HACE1: variants seen among roughly 807,000 people sequenced by gnomAD.
HACE1 encodes E3 ubiquitin-protein ligase HACE1.
A neutral mutation model predicts 118.4 loss-of-function variants in HACE1; 73 were observed. That is an observed-to-expected ratio of 0.62 (90% CI 0.51 to 0.75). HACE1 has a LOEUF of 0.75. Ranked by LOEUF, HACE1 falls within the 30% of genes least tolerant of loss-of-function variation. The probability of loss-of-function intolerance (pLI) is 0.00; values close to 1 mark genes in which losing one functional copy is unlikely to be tolerated. For synonymous variants in HACE1, 368 were observed against 374.8 expected (o/e 0.98, Z 0.21); for missense variants, 749 against 1,102.2 (o/e 0.68, Z 4.54).
At chr6:104,839,044 A>C (rs1303443828) in intron 5 of HACE1, among the ~76,000 whole-genome samples, 2 of 152,150 alleles carry the variant, frequency 1.3e-5, no homozygotes, top group Admixed American at 6.6e-5. Context: ...CCAAAACTAC[A>C]ATGAGGTATC....
In HACE1 at chr6:104,744,120, C is replaced by T. The variant is rs752092152; in HGVS notation, c.2513+40G>A. 14 of 1,146,706 alleles carry T rather than the reference C, an allele frequency of 1.2e-5. No individual in the cohort carries two copies. In the African/African-American group the frequency reaches 2.1e-4, roughly 17 times the overall value. The allele number at this position is 1,146,706 out of a possible 1,614,324, so 71.0% of individuals were successfully genotyped here. Reference sequence around the variant, plus strand: ...TCTCTAAGCCATTAAAAGCAGAATACATTAAATTATTTCCATATTATCATA... The same window carrying T: ...TCTCTAAGCCATTAAAAGCAGAATATATTAAATTATTTCCATATTATCATA... On this transcript the variant is annotated intron_variant, in intron 22 of 23. Coordinates refer to ENST00000262903, the MANE Select transcript of HACE1 (RefSeq NM_020771.4).
At chr6:104,822,946 G>A (rs555554875) in intron 6 of HACE1, among the ~76,000 whole-genome samples, 1 of 152,058 alleles carries the variant, frequency 6.6e-6, no homozygotes, top group South Asian at 2.1e-4. Flanking sequence ...TTATTCATTA[G>A]ACTAACATAC....
chr6:104,783,689 T>C (rs567777198), intron 14 of HACE1, among the ~76,000 whole-genome samples: 1 of 152,314 alleles, frequency 6.6e-6, no homozygotes, highest in African/African-American at 2.4e-5. Flanking sequence ...CAAAGCTAAA[T>C]CACTATTTTT....
At chr6:104,784,285 A>C (rs1782100145) in intron 13 of HACE1, 112 bp from the exon 14 acceptor site, 2 of 870,312 alleles carry the variant, frequency 2.3e-6, no homozygotes. Flanking sequence ...AATAATCCAT[A>C]TCTATTAAAG....
chr6:104,836,116 T>C (rs1182875503), intron 5 of HACE1, among the ~76,000 whole-genome samples: 1 of 152,094 alleles, frequency 6.6e-6, no homozygotes, highest in Non-Finnish European at 1.5e-5. Context: ...ATGAGACCCA[T>C]ATAACAAGAG....
intron 6 of HACE1, among the ~76,000 whole-genome samples, chr6:104,828,068 G>C (rs1176483090): frequency 1.3e-5 from 2 of 151,978 alleles, no homozygotes; most frequent in East Asian, 3.8e-4. Flanking sequence ...ACGTTATTCT[G>C]AGAAGACTGT....
intron 11 of HACE1, among the ~76,000 whole-genome samples, chr6:104,787,789 AG>A (rs1782602881): frequency 6.6e-6 from 1 of 152,194 alleles, no homozygotes; most frequent in Non-Finnish European, 1.5e-5. Context: ...ATAACACCAA[AG>A]AAAAAAATGG....
At chr6:104,813,837 C>T (rs1327249740) in intron 6 of HACE1, among the ~76,000 whole-genome samples, 1 of 137,082 alleles carries the variant, frequency 7.3e-6, no homozygotes, top group African/African-American at 2.9e-5. Flanking sequence ...CTCAGAATAA[C>T]AAAGACAGTA....
intron 5 of HACE1, among the ~76,000 whole-genome samples, chr6:104,835,343 T>C (rs1400206262): frequency 6.6e-6 from 1 of 152,072 alleles, no homozygotes; most frequent in Non-Finnish European, 1.5e-5. Flanking sequence ...AAAGGAACCA[T>C]GAATATTCAA....
At chr6:104,758,694 TAAC>T (rs1778993316) in intron 19 of HACE1, among the ~76,000 whole-genome samples, 1 of 152,020 alleles carries the variant, frequency 6.6e-6, no homozygotes, top group Non-Finnish European at 1.5e-5. Context: ...AATTCACACA[TAAC>T]AATACAAACC....
Position 104,796,703 on chromosome 6 carries a change from A to G in HACE1, c.768T>C (p.Phe256=), listed in dbSNP as rs542710353. 3 of 1,594,372 alleles carry G rather than the reference A, an allele frequency of 1.9e-6. No homozygotes were observed. In the Admixed American group the frequency reaches 5.0e-5, roughly 27 times the overall value. ...EVLIQYHPRL[F]QTIIQMTQNE... ...TCTGTGTCATTTGAATAATAGTCTG[A>G]AAAAGCCTCGGGTGATATTGAATTA... The change falls in exon 9 of 24, where the codon TTT becomes TTC. Residue 256 remains phenylalanine, a synonymous_variant. Transcript: ENST00000262903.
At chr6:104,788,471 A>C (rs1782669953) in intron 11 of HACE1, among the ~76,000 whole-genome samples, 1 of 152,164 alleles carries the variant, frequency 6.6e-6, no homozygotes, top group African/African-American at 2.4e-5. Context: ...ATGAGGAATG[A>C]ATTTGGCAGA....
intron 19 of HACE1, among the ~76,000 whole-genome samples, chr6:104,753,622 G>A (rs143267273): frequency 3.9e-5 from 6 of 152,138 alleles, no homozygotes; most frequent in Non-Finnish European, 8.8e-5. Flanking sequence ...CTGGGGTCTG[G>A]AGAGGACCCC....
At chr6:104,760,372 G>A (rs1405524221) in intron 19 of HACE1, among the ~76,000 whole-genome samples, 2 of 152,150 alleles carry the variant, frequency 1.3e-5, no homozygotes, top group Non-Finnish European at 2.9e-5. Flanking sequence ...CTTCATCCCT[G>A]GGATGCAAGG....
intron 6 of HACE1, among the ~76,000 whole-genome samples, chr6:104,829,640 T>C (rs1773665483): frequency 6.6e-6 from 1 of 152,160 alleles, no homozygotes; most frequent in Non-Finnish European, 1.5e-5. Context: ...TTTACCTGTA[T>C]ATGATCATTG....
chr6:104,813,207 T>G (rs9486018), intron 6 of HACE1, among the ~76,000 whole-genome samples: 110,334 of 136,016 alleles, frequency 0.81, 48,589 homozygotes, highest in East Asian at 1. Flanking sequence ...GCTCAGTTCA[T>G]CCAGACATGG....
At position 104,814,488 on chromosome 6, in the gene HACE1, A is replaced by AT. The variant is rs1421596632; in HGVS notation, c.535-3096dup. Among the ~76,000 whole-genome samples the AT allele has an allele frequency of 2.9e-5, 4 of 138,894 alleles. 1 individual carries two copies. In the East Asian group the frequency reaches 8.5e-4, roughly 30 times the overall value. The allele number at this position is 138,894 out of a possible 152,430, so 91.1% of individuals were successfully genotyped here. On this transcript the variant is annotated intron_variant, in intron 6 of 23. Coordinates refer to ENST00000262903, the MANE Select transcript of HACE1 (RefSeq NM_020771.4). Reference sequence around the variant, plus strand: ...AAAACATGTTTAACTATTTTATAAGATTTTTTAAATTATCTTCAATGCACC... The same window carrying AT: ...AAAACATGTTTAACTATTTTATAAGATTTTTTTAAATTATCTTCAATGCACC...
intron 20 of HACE1, 89 bp from the exon 21 acceptor site, chr6:104,744,699 T>G: frequency 1.3e-6 from 1 of 751,378 alleles, no homozygotes; most frequent in Non-Finnish European, 2.4e-6. Flanking sequence ...AATTAGAAAC[T>G]AATCCCATGT....
At chr6:104,797,132 T>C in intron 7 of HACE1, 107 bp from the exon 8 acceptor site, 1 of 724,402 alleles carries the variant, frequency 1.4e-6, no homozygotes, top group Non-Finnish European at 2.5e-6. Context: ...TTTTAAAAAT[T>C]AAGACAAGAG....
Sources: gnomAD v4.1 joint callset for allele counts (sites outside exome capture counted in the v4.1 genomes callset) on GRCh38, gnomAD v4.1.1 for gene constraint, MANE v1.5 for transcripts, NCBI Gene and HGNC (gene_info 2026-07-23, HGNC 2026-07-21) for gene names.